The following NUP133 variants were observed in gnomAD, a reference collection of about 807,000 sequenced individuals.
NUP133 encodes nucleoporin 133.
In NUP133, 66 loss-of-function variants were observed where a neutral mutation model predicts 146.2. The observed-to-expected ratio is 0.45, with a 90% CI of 0.37 to 0.55. NUP133 has a LOEUF of 0.55. Among genes scored for constraint, NUP133 ranks in the 20% least tolerant of loss-of-function variants. NUP133 has a pLI of 0.00. For missense variants in NUP133, 1,277 were observed against 1,374.8 expected, an observed-to-expected ratio of 0.93 and a Z score of 1.12; for synonymous variants, 521 against 498.8, an observed-to-expected ratio of 1.04 and a Z score of -0.59.
chr1:229,449,370 CTTTTT>C (rs71173728), intron 23 of NUP133, among the ~76,000 whole-genome samples, 180 bp from the exon 24 acceptor site: 1 of 139,776 alleles, frequency 7.2e-6, no homozygotes, highest in African/African-American at 2.6e-5. Flanking sequence ...AAGAGTTTTT[CTTTTT>C]TTTTTTTTTT....
intron 12 of NUP133, among the ~76,000 whole-genome samples, chr1:229,481,829 C>T (rs1478708121): frequency 6.6e-6 from 1 of 152,184 alleles, no homozygotes; most frequent in Non-Finnish European, 1.5e-5. Context: ...AAGACAGATC[C>T]TTTCTCAGAG....
At chr1:229,456,147 G>A (rs1660554135) in intron 21 of NUP133, among the ~76,000 whole-genome samples, 1 of 152,250 alleles carries the variant, frequency 6.6e-6, no homozygotes, top group Non-Finnish European at 1.5e-5. Context: ...GGACACACGT[G>A]ATGGTAGTAC....
intron 25 of NUP133, among the ~76,000 whole-genome samples, chr1:229,444,707 C>T (rs1016520881): frequency 6.6e-6 from 1 of 151,852 alleles, no homozygotes. Flanking sequence ...ATTAGCCAGG[C>T]ATGGTAGCAC....
intron 21 of NUP133, among the ~76,000 whole-genome samples, chr1:229,457,534 A>C (rs1451486492): frequency 6.6e-6 from 1 of 152,086 alleles, no homozygotes; most frequent in East Asian, 1.9e-4. Flanking sequence ...ACCTCATACA[A>C]CGTAAATGCT....
Position 229,441,489 on chromosome 1 carries a change from C to A in NUP133, c.*415G>T, listed in dbSNP as rs1392846023. The A allele has an allele frequency of 5.7e-6, 3 of 529,330 alleles. No homozygotes were observed. The highest frequency in any genetic ancestry group is 5.5e-5 in the East Asian group (1 of 18,336). 32.8% of individuals were successfully genotyped at this position (529,330 alleles called of 1,614,324 possible). A position where few individuals can be genotyped will look rare whatever the true frequency, so the allele number is the denominator to read the frequency against. On this transcript the variant is annotated 3_prime_UTR_variant, in exon 26 of 26. Transcript: ENST00000261396. ...CCCTAACTGAAACAGATATCAAACA[C>A]CCTAGATTCTCTTCAGTGCAAAGTA... is the stretch of plus-strand genomic sequence containing the variant.
intron 21 of NUP133, among the ~76,000 whole-genome samples, chr1:229,455,765 T>G (rs1211599746): frequency 1.3e-5 from 2 of 152,176 alleles, no homozygotes; most frequent in Non-Finnish European, 2.9e-5. Context: ...TTCTAAATAC[T>G]CAGCATGTAT....
chr1:229,447,660 C>T (rs561466592), intron 24 of NUP133, among the ~76,000 whole-genome samples: 1 of 152,166 alleles, frequency 6.6e-6, no homozygotes, highest in African/African-American at 2.4e-5. Flanking sequence ...GTCTACATAA[C>T]GAAGCTTCCA....
At chr1:229,495,650 G>T in intron 7 of NUP133, 85 bp from the exon 8 acceptor site, 1 of 1,048,116 alleles carries the variant, frequency 9.5e-7, no homozygotes, top group Non-Finnish European at 1.4e-6. Flanking sequence ...CTAGTGAAGT[G>T]CTTCACCCAT....
At chr1:229,499,576 C>T in intron 5 of NUP133, 108 bp downstream of exon 5, 1 of 1,210,344 alleles carries the variant, frequency 8.3e-7, no homozygotes, top group South Asian at 1.6e-5. Context: ...TGAGAATTGC[C>T]TGGGCAACAT....
Position 229,466,669 on chromosome 1 carries a change from C to T in NUP133, c.2164G>A (p.Ala722Thr). The T allele has an allele frequency of 6.2e-7, 1 of 1,613,970 alleles. No individual in the cohort carries two copies. The highest frequency in any genetic ancestry group is 8.5e-7 in the Non-Finnish European group (1 of 1,179,908). Residue 722 changes from alanine (A) to threonine (T), a missense_variant, in exon 16 of 26, where the codon GCT becomes ACT. Physicochemically the swap from Ala to Thr is moderately conservative, Grantham distance 58. Around this residue, in one of 3 missense-constraint regions of NUP133, gnomAD observed 952 missense variants for 1,047.0 expected, o/e 0.91. Transcript: ENST00000261396. ...TTGTTCACATTGATCACCACTTCAG[C>T]CCATTCAATGGAATCCATAGGTGCA... ...RDAPMDSIEW[A>T]EVVINVNNIL...
chr1:229,506,355 CAT>C (rs1483464926), intron 1 of NUP133, among the ~76,000 whole-genome samples, 197 bp from the exon 2 acceptor site: 1 of 150,490 alleles, frequency 6.6e-6, no homozygotes. Context: ...GCTTCAATCC[CAT>C]AGACTCTAGT....
At chr1:229,478,656 G>A (rs924924742) in intron 12 of NUP133, among the ~76,000 whole-genome samples, 1 of 152,118 alleles carries the variant, frequency 6.6e-6, no homozygotes, top group Non-Finnish European at 1.5e-5. Flanking sequence ...GAGAGATTAG[G>A]GGACAACTAG....
rs747508806 is a variant in NUP133, at chr1:229,502,101, G to A, written c.303C>T (p.Val101=). ...CTATGTTAATGGTCAGCTGGTCATC[G>A]ACTAAAGGAAAAAATGAGGTGGGTG... The part of the protein sequence containing the change: ...KVMEALTLAE[V]DDQLTINIDE... The change falls in exon 3 of 26, where the codon GTC becomes GTT. Residue 101 remains valine (V), a splice_region_variant and synonymous_variant. Coordinates refer to ENST00000261396, the MANE Select transcript of NUP133 (RefSeq NM_018230.3). The A allele has an allele frequency of 3.1e-6, 5 of 1,609,952 alleles. No individual in the cohort carries two copies. The highest frequency in any genetic ancestry group is 4.2e-6 in the Non-Finnish European group (5 of 1,176,980).
At chr1:229,476,095 G>A (rs371451273) in intron 13 of NUP133, among the ~76,000 whole-genome samples, 47 of 150,368 alleles carry the variant, frequency 3.1e-4, no homozygotes, top group African/African-American at 1.1e-3. Context: ...GCGACAGAGC[G>A]AGACTCGGTC....
At chr1:229,466,343 C>A (rs1043775615) in intron 16 of NUP133, among the ~76,000 whole-genome samples, 4 of 151,700 alleles carry the variant, frequency 2.6e-5, no homozygotes, top group South Asian at 2.1e-4. Flanking sequence ...AGAAAAAAAA[C>A]CAACTAAAAA....
intron 14 of NUP133, among the ~76,000 whole-genome samples, chr1:229,473,082 T>C (rs1161913084): frequency 6.6e-6 from 1 of 151,964 alleles, no homozygotes; most frequent in Non-Finnish European, 1.5e-5. Context: ...TGAGACCCTG[T>C]CTCTACAGCA....
chr1:229,486,416 G>C lies in NUP133; in HGVS notation c.1455C>G (p.Asp485Glu), dbSNP rs778037851. ...CTGAAGATGCTAAAGACCCTTCCAA[G>C]TCTTCTGCCAATATAGACACATTTT... ...SRENVSILAE[D>E]LEGSLASSVA... is the part of the protein sequence containing the mutation. Residue 485 changes from aspartate to glutamate, a missense_variant, in exon 11 of 26, where the codon GAC (aspartate) becomes GAG (glutamate). By Grantham distance (45) the Asp-to-Glu change is conservative (BLOSUM62 2). Transcript: ENST00000261396. 6.2e-7 allele frequency: 1 copy of C among 1,608,156 alleles called. No homozygotes were observed. Among genetic ancestry groups the C allele is most frequent in the South Asian group, 1.1e-5 (1 of 89,786 alleles).
intron 5 of NUP133, chr1:229,499,093 T>A (rs539228347): frequency 2.3e-6 from 1 of 436,832 alleles, no homozygotes; most frequent in African/African-American, 2.0e-5. Context: ...AGAGACAAAG[T>A]TTTGTTTTAT....
In NUP133 at chr1:229,470,680, C is replaced by A. The variant is rs768528887; in HGVS notation, c.1976G>T (p.Arg659Leu). 6.2e-7 allele frequency: 1 copy of A among 1,614,096 alleles called. No homozygotes were observed. The highest frequency in any genetic ancestry group is 1.1e-5 in the South Asian group (1 of 91,076). ...AAIVLKNHHS[R>L]LSDLVNTAIL... ...GGCTGTGTTGACAAGGTCAGAAAGC[C>A]GGGAGTGGTGGTTCTTGAGAACAAT... is the stretch of plus-strand genomic sequence containing the variant. Residue 659 changes from arginine (R) to leucine (L), a missense_variant, in exon 15 of 26, where the codon CGG (arginine) becomes CTG (leucine). By Grantham distance (102) the Arg-to-Leu change is moderately radical. Around this residue, in one of 3 missense-constraint regions of NUP133, gnomAD observed 952 missense variants for 1,047.0 expected, o/e 0.91. Coordinates refer to ENST00000261396, the MANE Select transcript of NUP133 (RefSeq NM_018230.3).
Sources: allele counts gnomAD v4.1 joint callset (sites outside exome capture counted in the v4.1 genomes callset), GRCh38; gene constraint gnomAD v4.1.1; regional missense constraint gnomAD v4.1.1; transcripts MANE v1.5; gene names NCBI Gene and HGNC (gene_info 2026-07-23, HGNC 2026-07-21).